The following APAF1 variants were observed in gnomAD, a reference collection of about 807,000 sequenced individuals.
APAF1 encodes apoptotic protease-activating factor 1.
Under a neutral mutation model 152.4 loss-of-function variants are expected in APAF1, and 91 were observed. That is an observed-to-expected ratio of 0.60 (90% CI 0.50 to 0.71). APAF1 has a LOEUF of 0.71. APAF1 is among the 30% of genes least tolerant of loss of function. The pLI, the probability that APAF1 is intolerant of heterozygous loss-of-function variation, is 0.00. For missense variants in APAF1, 1,283 were observed against 1,472.0 expected (o/e 0.87, Z 2.10); for synonymous variants, 484 against 494.1 (o/e 0.98, Z 0.27).
chr12:98,715,616 A>T, intron 22 of APAF1, 64 bp downstream of exon 22: 3 of 1,578,706 alleles, frequency 1.9e-6, no homozygotes, highest in East Asian at 4.5e-5. Flanking sequence ...CACTATGATT[A>T]TGCCTAAAAT....
rs1035423433 is a variant in APAF1 at position 98,699,325 on chromosome 12, G to A, written c.2305-83G>A. 1.6e-5 allele frequency: 21 copies of A among 1,343,086 alleles called. No homozygotes were observed. In the African/African-American group the frequency reaches 1.9e-4, roughly 12 times the overall value. 83.2% of individuals were successfully genotyped at this position (1,343,086 alleles called of 1,614,324 possible). A position where few individuals can be genotyped will look rare whatever the true frequency, so the allele number is the denominator to read the frequency against. ...CATCAAGTGAAGTGAATAAGTTTAT[G>A]TGGCATTTAATTTAGGAAAAATTCT... On this transcript the variant is annotated intron_variant, in intron 16 of 26. Coordinates refer to ENST00000551964, the MANE Select transcript of APAF1 (RefSeq NM_181861.2).
In APAF1 at chr12:98,662,752, A is replaced by G; in HGVS notation, c.901A>G (p.Met301Val). The G allele has an allele frequency of 6.2e-7, 1 of 1,612,314 alleles. No homozygotes were observed. The highest frequency in any genetic ancestry group is 1.1e-5 in the South Asian group (1 of 90,992). Residue 301 changes from methionine to valine, a missense_variant, in exon 7 of 27, where the codon ATG becomes GTG. Transcript: ENST00000551964. Reference sequence around the variant, plus strand: ...TGAAATTTTATCCCTTTTTGTTAATATGAAGAAGGCAGATTTGCCAGAACA... The same window carrying G: ...TGAAATTTTATCCCTTTTTGTTAATGTGAAGAAGGCAGATTTGCCAGAACA... ...GLEILSLFVN[M>V]KKADLPEQAH...
Position 98,727,216 on chromosome 12 carries a change from C to A in APAF1, c.3500C>A (p.Pro1167Gln). 1 of 1,614,060 alleles carries A rather than the reference C, an allele frequency of 6.2e-7. No individual in the cohort carries two copies. The highest frequency in any genetic ancestry group is 1.3e-5 in the African/African-American group (1 of 75,018). The change falls in exon 26 of 27, where the codon CCG (proline) becomes CAG (glutamine). Residue 1167 changes from proline (P) to glutamine (Q), a missense_variant. Pro to Gln is a moderately conservative substitution (Grantham distance 76). Transcript: ENST00000551964. ...GGTGAGCTTCTTCATTTGTGTGCTC[C>A]GCTTTCAGAAGAAGGAGCTGCTACC... ...SNGELLHLCA[P>Q]LSEEGAATHG...
rs537050382 is a variant in APAF1 at position 98,734,760 on chromosome 12, C to G, written c.*2194C>G. ...GTGAAAAGTGAAACCTTAATTTTAT[C>G]AAAAGAAATTTCTGTAAATGGTATG... On this transcript the variant is annotated 3_prime_UTR_variant, in exon 27 of 27. Transcript: ENST00000551964. 1 of 159,540 alleles carries G rather than the reference C, an allele frequency of 6.3e-6. No homozygotes were observed. Among genetic ancestry groups the G allele is most frequent in the Admixed American group, 6.5e-5 (1 of 15,466 alleles). 9.9% of individuals were successfully genotyped at this position (159,540 alleles called of 1,614,324 possible).
intron 1 of APAF1, among the ~76,000 whole-genome samples, chr12:98,647,874 A>T (rs2097643717): frequency 6.6e-6 from 1 of 151,656 alleles, no homozygotes; most frequent in South Asian, 2.1e-4. Flanking sequence ...TGCGTTCATC[A>T]CTGAAACATC....
At chr12:98,723,499 C>T in intron 23 of APAF1, 140 bp from the exon 24 acceptor site, 1 of 978,042 alleles carries the variant, frequency 1.0e-6, no homozygotes, top group Non-Finnish European at 1.5e-6. Context: ...TACTGTTAGT[C>T]ACATTTAAAG....
In APAF1 at chr12:98,723,187, A is replaced by G; in HGVS notation, c.3085-6A>G. 1.9e-6 allele frequency: 3 copies of G among 1,613,040 alleles called. No individual in the cohort carries two copies. Among genetic ancestry groups the G allele is most frequent in the Non-Finnish European group, 2.5e-6 (3 of 1,179,252 alleles). On this transcript the variant is annotated splice_polypyrimidine_tract_variant and splice_region_variant and intron_variant, in intron 22 of 26. Transcript: ENST00000551964. ...ATTATAACAGACTTATTTCTTTGAT[A>G]TTCAGGTATGGAATTGGCAATTGGA...
chr12:98,724,588 T>G (rs2097747707), intron 24 of APAF1, among the ~76,000 whole-genome samples: 1 of 152,258 alleles, frequency 6.6e-6, no homozygotes. Context: ...TGACTCATCT[T>G]TCTAGACCTA....
intron 24 of APAF1, 96 bp downstream of exon 24, chr12:98,723,860 C>G: frequency 7.8e-7 from 1 of 1,277,488 alleles, no homozygotes; most frequent in East Asian, 2.3e-5. Flanking sequence ...CAGTTGCTCT[C>G]TACATGTCTG....
intron 20 of APAF1, among the ~76,000 whole-genome samples, chr12:98,710,481 T>C (rs561961409): frequency 5.3e-4 from 81 of 152,198 alleles, no homozygotes; most frequent in African/African-American, 1.9e-3. Context: ...AGGAGCAGAA[T>C]AGAGAAGACG....
chr12:98,671,216 G>A, intron 11 of APAF1, 130 bp downstream of exon 11: 1 of 702,356 alleles, frequency 1.4e-6, no homozygotes, highest in African/African-American at 1.8e-5. Flanking sequence ...TTGATTTTTG[G>A]TTATTCTAAT....
Position 98,733,416 on chromosome 12 carries a change from C to T in APAF1, c.*850C>T. 1 of 152,342 alleles carries T rather than the reference C, an allele frequency of 6.6e-6. No individual in the cohort carries two copies. The highest frequency in any genetic ancestry group is 1.5e-5 in the Non-Finnish European group (1 of 68,730). 9.4% of individuals were successfully genotyped at this position (152,342 alleles called of 1,614,324 possible). Reference sequence around the variant, plus strand: ...AAAGTGCTGAGATTACAGGCGTGAGCCACCGTGCCTGGCCAGGCCCCTTCT... The same window carrying T: ...AAAGTGCTGAGATTACAGGCGTGAGTCACCGTGCCTGGCCAGGCCCCTTCT... On this transcript the variant is annotated 3_prime_UTR_variant, in exon 27 of 27. Transcript: ENST00000551964.
intron 4 of APAF1, among the ~76,000 whole-genome samples, chr12:98,653,689 A>AAAAAAATATAT (rs2097652305): frequency 4.2e-5 from 1 of 23,968 alleles, no homozygotes; most frequent in Non-Finnish European, 8.2e-5. Context: ...AAAAAAAAAA[A>AAAAAAATATAT]AAATATATAT....
chr12:98,660,813 G>C (rs2097664104), intron 5 of APAF1, among the ~76,000 whole-genome samples: 1 of 152,210 alleles, frequency 6.6e-6, no homozygotes, highest in Non-Finnish European at 1.5e-5. Flanking sequence ...TGCACCCAAG[G>C]ATGCAGTATA....
chr12:98,652,717 C>A (rs1262194169), intron 4 of APAF1, among the ~76,000 whole-genome samples: 1 of 152,074 alleles, frequency 6.6e-6, no homozygotes, highest in Admixed American at 6.6e-5. Context: ...ATCTCTGCTT[C>A]CCAGGTTCAA....
intron 12 of APAF1, among the ~76,000 whole-genome samples, chr12:98,673,442 C>CAAAAAAAAAAAA (rs1162049645): frequency 3.4e-5 from 3 of 89,232 alleles, no homozygotes; most frequent in African/African-American, 4.2e-5. Flanking sequence ...TCTCAAAAAA[C>CAAAAAAAAAAAA]AAAAAAAAAA....
In APAF1 at chr12:98,684,466, C is replaced by T. The variant is rs372956336; in HGVS notation, c.2178+1192C>T. Among the ~76,000 whole-genome samples, 84 of 150,518 alleles carry T rather than the reference C, an allele frequency of 5.6e-4. 1 individual carries two copies. Among genetic ancestry groups the T allele is most frequent in the African/African-American group, 1.6e-3 (65 of 40,862 alleles). On this transcript the variant is annotated intron_variant, in intron 15 of 26. Transcript: ENST00000551964. ...GACCTTCCTTTCTCTCCTCCTCCCTCTCTTCTTCTGTCTCCTCCTCCTCCT... is the reference window on the plus strand; with the variant it reads ...GACCTTCCTTTCTCTCCTCCTCCCTTTCTTCTTCTGTCTCCTCCTCCTCCT...
In APAF1 at chr12:98,703,412, C is replaced by T. The variant is rs769803036; in HGVS notation, c.2508C>T (p.His836=). ...CTAGTGGCCTATTGGGAGAAATCCA[C>T]ACGGGCCATCACAGCACCATCCAGT... ...IHTSGLLGEI[H]TGHHSTIQYC... Residue 836 remains histidine (H), a synonymous_variant, in exon 18 of 27, where the codon CAC becomes CAT. Transcript: ENST00000551964. 2.8e-5 allele frequency: 45 copies of T among 1,614,020 alleles called. No homozygotes were observed. In the East Asian group the frequency reaches 8.2e-4, roughly 30 times the overall value.
In APAF1 at chr12:98,717,932, C is replaced by T. The variant is rs559146420; in HGVS notation, c.3084+2380C>T. On this transcript the variant is annotated intron_variant, in intron 22 of 26. Transcript: ENST00000551964. The stretch of plus-strand genomic sequence containing the variant: ...TCTTCAGGTCTTTTGTCTTGGTCTC[C>T]TCAGATTCCTAGAGAGGAATTTTCT... Among the ~76,000 whole-genome samples, 282 of 152,232 alleles carry T rather than the reference C, an allele frequency of 1.9e-3. 1 individual carries two copies. The highest frequency in any genetic ancestry group is 6.4e-3 in the African/African-American group (265 of 41,528).
Sources: allele counts gnomAD v4.1 joint callset (sites outside exome capture counted in the v4.1 genomes callset), GRCh38; gene constraint gnomAD v4.1.1; transcripts MANE v1.5; gene names NCBI Gene and HGNC (gene_info 2026-07-23, HGNC 2026-07-21).